The following DTNA variants were observed in gnomAD, a reference collection of about 807,000 sequenced individuals.
DTNA encodes the protein dystrobrevin alpha.
Under a neutral mutation model 100.7 loss-of-function variants are expected in DTNA, and 43 were observed. That is an observed-to-expected ratio of 0.43 (90% CI 0.33 to 0.55). The LOEUF (loss-of-function observed/expected upper bound fraction) is 0.55, where lower values mean the gene tolerates loss of function less well. DTNA is among the 20% of genes least tolerant of loss of function. The pLI, the probability that DTNA is intolerant of heterozygous loss-of-function variation, is 0.04. For synonymous variants in DTNA, 349 were observed against 347.9 expected (o/e 1.00, Z -0.04); for missense variants, 798 against 953.9 (o/e 0.84, Z 2.15).
intron 1 of DTNA, among the ~76,000 whole-genome samples, chr18:34,521,487 G>A (rs766974884): frequency 4.6e-5 from 7 of 152,126 alleles, no homozygotes; most frequent in African/African-American, 7.2e-5. Flanking sequence ...CTTCAGTCAT[G>A]TCCCATCACA....
chr18:34,508,891 G>A (rs1303858188), intron 1 of DTNA, among the ~76,000 whole-genome samples: 1 of 152,028 alleles, frequency 6.6e-6, no homozygotes, highest in Admixed American at 6.6e-5. Flanking sequence ...TTTTGAAAAT[G>A]TCTTTTTCTG....
At chr18:34,560,212 T>G (rs1178174558) in intron 1 of DTNA, among the ~76,000 whole-genome samples, 1 of 152,220 alleles carries the variant, frequency 6.6e-6, no homozygotes, top group Non-Finnish European at 1.5e-5. Flanking sequence ...ATTTTAGATA[T>G]GTCTTCTGTA....
At chr18:34,855,372 G>A (rs892702476) in intron 15 of DTNA, among the ~76,000 whole-genome samples, 12 of 152,136 alleles carry the variant, frequency 7.9e-5, no homozygotes, top group Admixed American at 7.2e-4. Context: ...GAAGCTGGTG[G>A]GAAGTGATGA....
chr18:34,614,262 A>G (rs1250307335), intron 1 of DTNA, among the ~76,000 whole-genome samples: 7 of 152,226 alleles, frequency 4.6e-5, no homozygotes, highest in Non-Finnish European at 1.0e-4. Context: ...TCTCATTGAC[A>G]ATGCACCTGG....
chr18:34,549,288 T>C (rs2045143683), intron 1 of DTNA, among the ~76,000 whole-genome samples: 1 of 152,080 alleles, frequency 6.6e-6, no homozygotes, highest in South Asian at 2.1e-4. Context: ...CATACAAGGA[T>C]TCCCTGTAGG....
chr18:34,786,738 T>C (rs1162897997), intron 3 of DTNA, among the ~76,000 whole-genome samples: 1 of 152,214 alleles, frequency 6.6e-6, no homozygotes, highest in Non-Finnish European at 1.5e-5. Context: ...TTTCCTGTTC[T>C]CCTAATTAAA....
intron 6 of DTNA, among the ~76,000 whole-genome samples, chr18:34,813,401 G>A (rs955568564): frequency 7.4e-5 from 11 of 148,820 alleles, no homozygotes; most frequent in Admixed American, 2.0e-4. Flanking sequence ...CCCGGATGGC[G>A]CCACTGCATT....
At chr18:34,819,664 G>A (rs753480870) in intron 8 of DTNA, among the ~76,000 whole-genome samples, 1 of 151,976 alleles carries the variant, frequency 6.6e-6, no homozygotes, top group Non-Finnish European at 1.5e-5. Flanking sequence ...TATATTCCAG[G>A]GCACTATCTG....
intron 1 of DTNA, among the ~76,000 whole-genome samples, chr18:34,556,685 G>A (rs2046092158): frequency 6.6e-6 from 1 of 151,130 alleles, no homozygotes; most frequent in South Asian, 2.1e-4. Context: ...CTTTAAGAAT[G>A]TTGAATATCG....
intron 3 of DTNA, 46 bp from the exon 4 acceptor site, chr18:34,793,991 C>A: frequency 6.3e-7 from 1 of 1,588,294 alleles, no homozygotes; most frequent in Admixed American, 1.8e-5. Context: ...GATGTATTTG[C>A]CTTCCATTAC....
At chr18:34,642,357 C>G (rs1234175212) in intron 1 of DTNA, among the ~76,000 whole-genome samples, 1 of 152,106 alleles carries the variant, frequency 6.6e-6, no homozygotes, top group East Asian at 1.9e-4. Flanking sequence ...TAGAAGGAGC[C>G]CACTGATTTG....
intron 13 of DTNA, among the ~76,000 whole-genome samples, chr18:34,844,417 G>A (rs1269546166): frequency 6.6e-6 from 1 of 151,956 alleles, no homozygotes; most frequent in African/African-American, 2.4e-5. Context: ...GTGTCACTTT[G>A]TTCCTTTCTA....
At chr18:34,664,555 C>T (rs535173923) in intron 1 of DTNA, among the ~76,000 whole-genome samples, 14 of 152,160 alleles carry the variant, frequency 9.2e-5, no homozygotes, top group South Asian at 6.2e-4. Context: ...GTCCATATGT[C>T]TTGTTTCTGC....
rs374704854 is a variant in DTNA at position 34,827,615 on chromosome 18, A to G, written c.1024A>G (p.Met342Val). The change falls in exon 10 of 23, where the codon ATG becomes GTG. Residue 342 changes from methionine (M) to valine (V), a missense_variant. Coordinates refer to ENST00000444659, the MANE Select transcript of DTNA (RefSeq NM_001386795.1). ...HIVPPRPVTS[M>V]NDTLFSHSVP... is the part of the protein sequence containing the mutation. The stretch of plus-strand genomic sequence containing the variant: ...TAGGCCTCCCAGACCTGTAACCAGC[A>G]TGAACGACACCCTGTTCTCCCACTC... 9.3e-6 allele frequency: 15 copies of G among 1,613,816 alleles called. No homozygotes were observed. The highest frequency in any genetic ancestry group is 1.3e-5 in the Non-Finnish European group (15 of 1,179,842).
intron 1 of DTNA, among the ~76,000 whole-genome samples, chr18:34,519,529 A>T (rs2041967820): frequency 6.6e-6 from 1 of 152,140 alleles, no homozygotes; most frequent in Non-Finnish European, 1.5e-5. Flanking sequence ...AGCTTTTGGG[A>T]CTGCATTGAG....
chr18:34,865,498 A>T (rs575365366), intron 17 of DTNA, among the ~76,000 whole-genome samples: 4 of 152,180 alleles, frequency 2.6e-5, no homozygotes, highest in Non-Finnish European at 5.9e-5. Flanking sequence ...GGAATACTTT[A>T]TCTTTACTCA....
At chr18:34,796,227 C>G (rs2094963517) in intron 4 of DTNA, among the ~76,000 whole-genome samples, 3 of 152,194 alleles carry the variant, frequency 2.0e-5, no homozygotes, top group African/African-American at 7.2e-5. Flanking sequence ...ATAGGCAGTC[C>G]TACTGACACT....
intron 1 of DTNA, among the ~76,000 whole-genome samples, chr18:34,595,999 C>A (rs536602644): frequency 6.6e-6 from 1 of 152,272 alleles, no homozygotes; most frequent in East Asian, 1.9e-4. Context: ...TAAAGCCCCA[C>A]CTGAGGGCCA....
Position 34,890,214 on chromosome 18 carries a change from T to C in DTNA, c.*2480T>C. ...CAACTCCATCACATGGTTGTTGATA[T>C]CGTCATATAAAGCCATTGCAAGGAC... On this transcript the variant is annotated 3_prime_UTR_variant, in exon 23 of 23. Coordinates refer to ENST00000444659, the MANE Select transcript of DTNA (RefSeq NM_001386795.1). The C allele has an allele frequency of 1.4e-6, 2 of 1,463,982 alleles. No homozygotes were observed. 90.7% of individuals were successfully genotyped at this position (1,463,982 alleles called of 1,614,324 possible).
Sources: allele counts gnomAD v4.1 joint callset (sites outside exome capture counted in the v4.1 genomes callset), GRCh38; gene constraint gnomAD v4.1.1; transcripts MANE v1.5; gene names NCBI Gene and HGNC (gene_info 2026-07-23, HGNC 2026-07-21).